The following HLF variants were observed in gnomAD, a reference collection of about 807,000 sequenced individuals.
The protein encoded by HLF is hepatic leukemia factor.
HLF carries 3 observed loss-of-function variants against 22.6 expected under a neutral mutation model. The observed-to-expected ratio is 0.13, with a 90% CI of 0.06 to 0.34. The LOEUF (loss-of-function observed/expected upper bound fraction) is 0.34, where lower values mean the gene tolerates loss of function less well. HLF is among the 10% of genes least tolerant of loss of function. The pLI, the probability that HLF is intolerant of heterozygous loss-of-function variation, is 1.00. For missense variants in HLF, 299 were observed against 389.2 expected (o/e 0.77, Z 1.95); for synonymous variants, 151 against 151.8 (o/e 0.99, Z 0.04).
At chr17:55,286,547 G>A (rs1333435650) in intron 2 of HLF, among the ~76,000 whole-genome samples, 1 of 152,010 alleles carries the variant, frequency 6.6e-6, no homozygotes, top group Non-Finnish European at 1.5e-5. Context: ...AAATAAAGTT[G>A]GTTTTGGAAT....
At chr17:55,315,080 T>C in intron 2 of HLF, 147 bp from the exon 3 acceptor site, 1 of 647,854 alleles carries the variant, frequency 1.5e-6, no homozygotes. Context: ...TTCTCAGAAA[T>C]GCAGTGCGGA....
At chr17:55,292,563 G>A (rs2081073770) in intron 2 of HLF, among the ~76,000 whole-genome samples, 1 of 152,112 alleles carries the variant, frequency 6.6e-6, no homozygotes, top group Non-Finnish European at 1.5e-5. Flanking sequence ...AAAAAAAAAT[G>A]ATGTGACTTG....
chr17:55,311,074 ATAT>A (rs35494702), intron 2 of HLF, among the ~76,000 whole-genome samples: 39,861 of 151,940 alleles, frequency 0.26, 5,786 homozygotes, highest in Non-Finnish European at 0.33. Context: ...AAAATGCCAA[ATAT>A]TATTATATTT....
rs560613931 is a variant in HLF, at chr17:55,281,665, T to A, written c.451+13579T>A. ...TTAAAACCAGCATTGTCCTAAACAC[T>A]GACTGTAAGTAGTTGTAGCAAATCA... On this transcript the variant is annotated intron_variant, in intron 2 of 3. Coordinates refer to ENST00000226067, the MANE Select transcript of HLF (RefSeq NM_002126.5). Among the ~76,000 whole-genome samples the A allele has an allele frequency of 1.7e-3, 255 of 152,340 alleles. 8 individuals are homozygous for A. In the South Asian group the frequency reaches 0.048, roughly 29 times the overall value.
chr17:55,321,025 G>A lies in HLF; in HGVS notation c.*146G>A. On this transcript the variant is annotated 3_prime_UTR_variant, in exon 4 of 4. Transcript: ENST00000226067. ...CTCCCATTTTGGTGTGCATCTGTGT[G>A]TGTGTGCGTGTATATGTGCTTGTGC... The A allele has an allele frequency of 6.2e-6, 4 of 646,234 alleles. No homozygotes were observed. Among genetic ancestry groups the A allele is most frequent in the Non-Finnish European group, 8.3e-6 (3 of 362,082 alleles). The allele number at this position is 646,234 out of a possible 1,614,324, so 40.0% of individuals were successfully genotyped here. A position where few individuals can be genotyped will look rare whatever the true frequency, so the allele number is the denominator to read the frequency against.
rs1034183228 is a variant in HLF, at chr17:55,324,922, G to C, written c.*4043G>C. 1.7e-5 allele frequency: 4 copies of C among 231,464 alleles called. No homozygotes were observed. Among genetic ancestry groups the C allele is most frequent in the African/African-American group, 8.9e-5 (4 of 45,190 alleles). The allele number at this position is 231,464 out of a possible 1,614,324, so 14.3% of individuals were successfully genotyped here. The stretch of plus-strand genomic sequence containing the variant: ...ATTATCCTTTTGGCAACACCACAAA[G>C]ATCGCATCTGTTAAACAGGTACAAG... On this transcript the variant is annotated 3_prime_UTR_variant, in exon 4 of 4. Coordinates refer to ENST00000226067, the MANE Select transcript of HLF (RefSeq NM_002126.5).
Position 55,324,829 on chromosome 17 carries a change from GTA to G in HLF, c.*3952_*3953del. ...TGTGTGCGTGCATGTGTGTGTGTGT[GTA>G]TGTGTGTGAATAAGTCGACATAAAG... is the stretch of plus-strand genomic sequence containing the variant. On this transcript the variant is annotated 3_prime_UTR_variant, in exon 4 of 4. Transcript: ENST00000226067. 4.3e-6 allele frequency: 1 copy of G among 232,932 alleles called. No homozygotes were observed. Among genetic ancestry groups the G allele is most frequent in the Non-Finnish European group, 8.5e-6 (1 of 117,626 alleles). 14.4% of individuals were successfully genotyped at this position (232,932 alleles called of 1,614,324 possible). A position where few individuals can be genotyped will look rare whatever the true frequency, so the allele number is the denominator to read the frequency against.
chr17:55,323,962 C>CTT lies in HLF; in HGVS notation c.*3086_*3087dup, dbSNP rs1905361139. The CTT allele has an allele frequency of 8.7e-6, 2 of 228,840 alleles. No homozygotes were observed. The allele number at this position is 228,840 out of a possible 1,614,324, so 14.2% of individuals were successfully genotyped here. On this transcript the variant is annotated 3_prime_UTR_variant, in exon 4 of 4. Transcript: ENST00000226067. The stretch of plus-strand genomic sequence containing the variant: ...TCCTGATGAGGTCACATTGTTGTTT[C>CTT]TTTTAACTAGACTTGGCAAAGAAAG...
chr17:55,285,812 A>C (rs1238661838), intron 2 of HLF, among the ~76,000 whole-genome samples: 1 of 152,148 alleles, frequency 6.6e-6, no homozygotes, highest in African/African-American at 2.4e-5. Flanking sequence ...CTATTTGGGG[A>C]GTAAGTTAGA....
rs2081019241 is a variant in HLF at position 55,287,824 on chromosome 17, T to C, written c.451+19738T>C. ...TGTTGACTTGCAAGTTTCCCAGAGG[T>C]GGGGACTGGCTTTTATCTCCAGCAC... On this transcript the variant is annotated intron_variant, in intron 2 of 3. Transcript: ENST00000226067. Among the ~76,000 whole-genome samples the C allele has an allele frequency of 2.0e-5, 3 of 152,154 alleles. No homozygotes were observed. In the South Asian group the frequency reaches 6.2e-4, roughly 32 times the overall value.
At chr17:55,266,753 A>T in intron 1 of HLF, 1 of 894,292 alleles carries the variant, frequency 1.1e-6, no homozygotes, top group Non-Finnish European at 1.3e-6. Flanking sequence ...GATGAAACTC[A>T]GAAGCAAATT....
chr17:55,265,544 C>G lies in HLF; in HGVS notation c.60C>G (p.Gly20=), dbSNP rs1240084622. The G allele has an allele frequency of 6.2e-7, 1 of 1,610,696 alleles. No homozygotes were observed. The highest frequency in any genetic ancestry group is 1.3e-5 in the African/African-American group (1 of 74,606). Residue 20 remains glycine, a synonymous_variant, in exon 1 of 4, where the codon GGC becomes GGG. Transcript: ENST00000226067. ...LNPTFIPPPY[G]VLRSLLENPL... ...CCACCTTTATCCCGCCTCCCTACGG[C>G]GTGCTCAGGTCCCTGCTGGAGAACC... is the stretch of plus-strand genomic sequence containing the variant.
At chr17:55,277,610 G>A (rs2080916969) in intron 2 of HLF, among the ~76,000 whole-genome samples, 1 of 144,000 alleles carries the variant, frequency 6.9e-6, no homozygotes, top group Admixed American at 6.9e-5. Context: ...GGGACATTGT[G>A]GGAGGGGATC....
Position 55,320,611 on chromosome 17 carries a change from T to C in HLF, c.673-53T>C. On this transcript the variant is annotated intron_variant, in intron 3 of 3. Transcript: ENST00000226067. This position sits in a 1 kb window ranked among gnomAD's most constrained non-coding sequence, Gnocchi z 4.2. ...GCCCGTGCCCTGGCTGGCACTGGGC[T>C]TTGCTGAAATCTAATATCTTGTTTC... 6.4e-7 allele frequency: 1 copy of C among 1,562,890 alleles called. No homozygotes were observed. The highest frequency in any genetic ancestry group is 8.8e-7 in the Non-Finnish European group (1 of 1,141,150).
chr17:55,289,568 A>G (rs1343081007), intron 2 of HLF, among the ~76,000 whole-genome samples: 5 of 152,244 alleles, frequency 3.3e-5, no homozygotes, highest in Admixed American at 2.0e-4. Flanking sequence ...AAAATAGTGC[A>G]TAAAATTATT....
chr17:55,315,483 G>T, intron 3 of HLF, 36 bp downstream of exon 3: 1 of 1,477,636 alleles, frequency 6.8e-7, no homozygotes, highest in South Asian at 1.1e-5. Flanking sequence ...TTGGGCAAAT[G>T]GAGAGTGGGA....
intron 2 of HLF, among the ~76,000 whole-genome samples, chr17:55,295,589 G>A (rs899931268): frequency 2.6e-5 from 4 of 152,232 alleles, no homozygotes; most frequent in Admixed American, 2.6e-4. Context: ...GTTAGAGGCG[G>A]TGTAATGGAT....
intron 2 of HLF, among the ~76,000 whole-genome samples, chr17:55,300,463 A>G (rs756237487): frequency 3.3e-5 from 5 of 152,242 alleles, no homozygotes; most frequent in Non-Finnish European, 5.9e-5. Flanking sequence ...ACATTGGTAT[A>G]TGAAGCTGAG....
At chr17:55,280,373 C>A (rs999053766) in intron 2 of HLF, among the ~76,000 whole-genome samples, 2 of 152,318 alleles carry the variant, frequency 1.3e-5, no homozygotes, top group African/African-American at 4.8e-5. Context: ...CCTAGCATGT[C>A]ACAGTGTAAT....
Sources: allele counts gnomAD v4.1 joint callset (sites outside exome capture counted in the v4.1 genomes callset), GRCh38; gene constraint gnomAD v4.1.1; non-coding constraint Gnocchi (gnomAD v3.1); transcripts MANE v1.5; gene names NCBI Gene and HGNC (gene_info 2026-07-23, HGNC 2026-07-21).